FBP1: variants seen among roughly 807,000 people sequenced by gnomAD.
FBP1 encodes the protein fructose-bisphosphatase 1, also known as fructose-1,6-bisphosphatase 1.
A neutral mutation model predicts 29.9 loss-of-function variants in FBP1; 22 were observed. That is an observed-to-expected ratio of 0.74 (90% CI 0.53 to 1.05). The LOEUF is 1.05. Ranked by LOEUF, FBP1 falls within the 50% of genes least tolerant of loss-of-function variation. The probability of loss-of-function intolerance (pLI) is 0.00; values close to 1 mark genes in which losing one functional copy is unlikely to be tolerated. For synonymous variants in FBP1, 175 were observed against 178.6 expected (o/e 0.98, Z 0.16); for missense variants, 345 against 448.2 (o/e 0.77, Z 2.08).
At chr9:94,637,033 G>A (rs1828200957) in intron 1 of FBP1, among the ~76,000 whole-genome samples, 1 of 152,058 alleles carries the variant, frequency 6.6e-6, no homozygotes, top group African/African-American at 2.4e-5. Flanking sequence ...CTCAAAGGCA[G>A]TTAAAGCTGT....
chr9:94,634,064 C>A (rs1481948804), intron 1 of FBP1, among the ~76,000 whole-genome samples: 1 of 150,560 alleles, frequency 6.6e-6, no homozygotes, highest in East Asian at 2.1e-4. Context: ...GAGGCCGGGG[C>A]GGGCAGATCA....
At chr9:94,622,820 G>A (rs1415035743) in intron 1 of FBP1, among the ~76,000 whole-genome samples, 1 of 152,042 alleles carries the variant, frequency 6.6e-6, no homozygotes, top group East Asian at 1.9e-4. Context: ...GTGAGGCTGG[G>A]GCTTGTGCAG....
intron 6 of FBP1, among the ~76,000 whole-genome samples, chr9:94,605,008 G>T (rs968386099): frequency 3.3e-5 from 5 of 152,142 alleles, no homozygotes; most frequent in Non-Finnish European, 7.4e-5. Context: ...CCCCTAAAAG[G>T]TATCGTTTTC....
Position 94,608,041 on chromosome 9 carries a change from A to G in FBP1, c.568-1089T>C, listed in dbSNP as rs534481463. ...AAATAAATGTCTTTCAAAAAACTATATAGAAAAGAAAGCCATCTCACAACA... is the reference window on the plus strand; with the variant it reads ...AAATAAATGTCTTTCAAAAAACTATGTAGAAAAGAAAGCCATCTCACAACA... On this transcript the variant is annotated intron_variant, in intron 4 of 6. Coordinates refer to ENST00000375326, the MANE Select transcript of FBP1 (RefSeq NM_000507.4). 2.4e-4 allele frequency among the ~76,000 whole-genome samples: 37 copies of G among 152,340 alleles called. 1 individual carries two copies. In the South Asian group the frequency reaches 7.7e-3, roughly 32 times the overall value.
chr9:94,639,083 G>A (rs756733825), intron 1 of FBP1, 58 bp downstream of exon 1: 102 of 1,528,484 alleles, frequency 6.7e-5, no homozygotes, highest in Non-Finnish European at 8.7e-5. Context: ...TCAGCCCGCC[G>A]GGCAGGCTCC....
intron 4 of FBP1, among the ~76,000 whole-genome samples, chr9:94,607,284 G>A (rs1827715990): frequency 6.6e-6 from 1 of 152,192 alleles, no homozygotes; most frequent in Non-Finnish European, 1.5e-5. Context: ...AGTAAGAACC[G>A]TGTGTCCAAA....
At chr9:94,626,567 G>A (rs1010692182) in intron 1 of FBP1, among the ~76,000 whole-genome samples, 3 of 152,114 alleles carry the variant, frequency 2.0e-5, no homozygotes, top group African/African-American at 7.2e-5. Context: ...GTCACACCTC[G>A]GGGACCCTAA....
intron 6 of FBP1, chr9:94,604,083 T>G: frequency 4.9e-6 from 1 of 205,676 alleles, no homozygotes; most frequent in African/African-American, 2.3e-5. Flanking sequence ...GGCTTTTGGG[T>G]TGGAATTCAG....
chr9:94,634,111 T>C (rs1828154514), intron 1 of FBP1, among the ~76,000 whole-genome samples: 1 of 150,712 alleles, frequency 6.6e-6, no homozygotes, highest in Non-Finnish European at 1.5e-5. Flanking sequence ...CTGACCAACA[T>C]GGAGAAACCC....
intron 1 of FBP1, among the ~76,000 whole-genome samples, chr9:94,621,976 A>G (rs1372945817): frequency 6.6e-6 from 1 of 152,128 alleles, no homozygotes; most frequent in African/African-American, 2.4e-5. Flanking sequence ...AGAGGGTAGA[A>G]GTGAGACGCT....
intron 3 of FBP1, among the ~76,000 whole-genome samples, chr9:94,612,681 C>A (rs1317822847): frequency 6.6e-6 from 1 of 151,786 alleles, no homozygotes; most frequent in South Asian, 2.1e-4. Flanking sequence ...CTCAGCCTCC[C>A]AAGTAGCTGG....
intron 1 of FBP1, among the ~76,000 whole-genome samples, chr9:94,621,050 A>T (rs1438399830): frequency 6.6e-6 from 1 of 151,778 alleles, no homozygotes; most frequent in Non-Finnish European, 1.5e-5. Flanking sequence ...CGTCTCTATT[A>T]AAAAATACAA....
At chr9:94,634,633 G>C (rs1828163802) in intron 1 of FBP1, among the ~76,000 whole-genome samples, 1 of 152,182 alleles carries the variant, frequency 6.6e-6, no homozygotes, top group Admixed American at 6.5e-5. Context: ...GTTGCAGACT[G>C]TTCTGATCTG....
At chr9:94,626,114 T>C (rs1536859) in intron 1 of FBP1, among the ~76,000 whole-genome samples, 146,769 of 152,334 alleles carry the variant, frequency 0.96, 70,727 homozygotes, top group East Asian at 1. Flanking sequence ...GTAAGCGTCC[T>C]TCCCCTCTTC....
chr9:94,628,397 A>T (rs903339862), intron 1 of FBP1, among the ~76,000 whole-genome samples: 1 of 150,880 alleles, frequency 6.6e-6, no homozygotes, highest in African/African-American at 2.4e-5. Flanking sequence ...AAAAAAAAAA[A>T]TTTATCATAG....
chr9:94,605,687 G>T, intron 5 of FBP1, 111 bp from the exon 6 acceptor site: 2 of 1,069,242 alleles, frequency 1.9e-6, no homozygotes. Context: ...CACCTACAAG[G>T]TATGTATTTG....
At chr9:94,621,277 T>C (rs1827945855) in intron 1 of FBP1, among the ~76,000 whole-genome samples, 1 of 147,714 alleles carries the variant, frequency 6.8e-6, no homozygotes, top group African/African-American at 2.5e-5. Context: ...GCGCCTGTAG[T>C]CCCAGCTATT....
chr9:94,639,365 C>T lies in FBP1; in HGVS notation c.-55G>A. On this transcript the variant is annotated 5_prime_UTR_variant, in exon 1 of 7. Coordinates refer to ENST00000375326, the MANE Select transcript of FBP1 (RefSeq NM_000507.4). Reference sequence around the variant, plus strand: ...GGTGCAAGCGGCAGGTGCGGGGCTGCAGGTGCGGGCGGCAAGAGAGGGCAG... The same window carrying T: ...GGTGCAAGCGGCAGGTGCGGGGCTGTAGGTGCGGGCGGCAAGAGAGGGCAG... 2 of 1,562,104 alleles carry T rather than the reference C, an allele frequency of 1.3e-6. No homozygotes were observed. The highest frequency in any genetic ancestry group is 2.4e-5 in the East Asian group (1 of 42,368).
intron 1 of FBP1, among the ~76,000 whole-genome samples, chr9:94,633,926 T>C (rs941867826): frequency 2.0e-5 from 3 of 151,138 alleles, no homozygotes; most frequent in Non-Finnish European, 4.4e-5. Flanking sequence ...CAGGATGGTC[T>C]CGATCTCCTG....
Sources: gnomAD v4.1 joint callset for allele counts (sites outside exome capture counted in the v4.1 genomes callset) on GRCh38, gnomAD v4.1.1 for gene constraint, MANE v1.5 for transcripts, NCBI Gene and HGNC (gene_info 2026-07-23, HGNC 2026-07-21) for gene names.